CNBD1: variants seen among roughly 807,000 people sequenced by gnomAD.
The protein encoded by CNBD1 is cyclic nucleotide binding domain containing 1.
In CNBD1, 71 loss-of-function variants were observed where a neutral mutation model predicts 54.4. The ratio of observed to expected loss-of-function variants is 1.30; its 90% confidence interval spans 1.08 to 1.59. The LOEUF (loss-of-function observed/expected upper bound fraction) is 1.59, where lower values mean the gene tolerates loss of function less well. CNBD1 is among the 40% of genes most tolerant of loss of function. The pLI, the probability that CNBD1 is intolerant of heterozygous loss-of-function variation, is 0.00. For synonymous variants in CNBD1, 182 were observed against 170.7 expected (o/e 1.07, Z -0.51); for missense variants, 659 against 518.0 (o/e 1.27, Z -2.64).
intron 4 of CNBD1, among the ~76,000 whole-genome samples, chr8:87,072,370 G>A (rs778961135): frequency 2.1e-4 from 32 of 152,102 alleles, no homozygotes; most frequent in Non-Finnish European, 4.7e-4. Flanking sequence ...TTATTTTGCA[G>A]ACTTGTTTAT....
chr8:87,299,863 C>A (rs1808949650), intron 8 of CNBD1, among the ~76,000 whole-genome samples: 1 of 152,168 alleles, frequency 6.6e-6, no homozygotes, highest in Admixed American at 6.6e-5. Flanking sequence ...AGTGAACAAC[C>A]TGCAAAATCA....
intron 4 of CNBD1, among the ~76,000 whole-genome samples, chr8:87,198,948 A>G (rs1813783212): frequency 1.3e-5 from 2 of 152,298 alleles, no homozygotes; most frequent in Non-Finnish European, 1.5e-5. Flanking sequence ...GAAGGTTACA[A>G]TCATCTTGCA....
chr8:87,403,276 G>T (rs781116201), intron 2 of CNBD1, among the ~76,000 whole-genome samples: 3 of 152,032 alleles, frequency 2.0e-5, no homozygotes, highest in Admixed American at 2.0e-4. Flanking sequence ...TGCATCAGCA[G>T]TTAGTTTCAT....
At chr8:87,243,757 A>G (rs1427643964) in intron 6 of CNBD1, among the ~76,000 whole-genome samples, 1 of 152,208 alleles carries the variant, frequency 6.6e-6, no homozygotes, top group African/African-American at 2.4e-5. Flanking sequence ...CAGGAGTCAC[A>G]ATAAAAAATC....
At chr8:87,132,921 G>T (rs140749415) in intron 4 of CNBD1, among the ~76,000 whole-genome samples, 165 of 150,566 alleles carry the variant, frequency 1.1e-3, no homozygotes, top group African/African-American at 3.6e-3. Context: ...AAGTCACTCA[G>T]GTTCTATGAA....
At chr8:87,306,767 T>G in intron 8 of CNBD1, among the ~76,000 whole-genome samples, 2 of 147,030 alleles carry the variant, frequency 1.4e-5, no homozygotes, top group East Asian at 2.0e-4. Flanking sequence ...GGGGGAAGAG[T>G]GGGAGGGGGG....
At chr8:86,976,208 T>TTC (rs1808338577) in intron 4 of CNBD1, among the ~76,000 whole-genome samples, 1 of 132,068 alleles carries the variant, frequency 7.6e-6, no homozygotes, top group Non-Finnish European at 1.7e-5. Context: ...TTTTTTTTTT[T>TTC]GCTGTGGATA....
At chr8:87,296,024 G>A (rs1254725116) in intron 8 of CNBD1, among the ~76,000 whole-genome samples, 2 of 152,046 alleles carry the variant, frequency 1.3e-5, no homozygotes, top group African/African-American at 4.8e-5. Flanking sequence ...GATTATTGCT[G>A]CTTGGTGCTA....
chr8:86,867,050 G>A (rs1453691264), intron 1 of CNBD1, among the ~76,000 whole-genome samples: 1 of 152,052 alleles, frequency 6.6e-6, no homozygotes, highest in East Asian at 1.9e-4. Flanking sequence ...TTCTGACTGT[G>A]AAATTTATTC....
intron 3 of CNBD1, among the ~76,000 whole-genome samples, chr8:86,933,353 C>T (rs940273589): frequency 3.9e-5 from 6 of 152,020 alleles, no homozygotes; most frequent in Non-Finnish European, 4.4e-5. Context: ...AAACAAAACA[C>T]ACAAACTCCC....
chr8:87,167,877 C>T (rs1336055776), intron 4 of CNBD1, among the ~76,000 whole-genome samples: 2 of 151,826 alleles, frequency 1.3e-5, no homozygotes, highest in Non-Finnish European at 2.9e-5. Context: ...GTGCCAATGT[C>T]ATAGGGTATA....
chr8:87,227,673 A>AT (rs1311686380), intron 5 of CNBD1, among the ~76,000 whole-genome samples: 2 of 142,158 alleles, frequency 1.4e-5, no homozygotes, highest in Non-Finnish European at 1.5e-5. Flanking sequence ...TGCCCTTAAC[A>AT]TTTTTTCCTT....
At chr8:87,076,105 G>A (rs571990584) in intron 4 of CNBD1, among the ~76,000 whole-genome samples, 3 of 152,286 alleles carry the variant, frequency 2.0e-5, no homozygotes, top group African/African-American at 7.2e-5. Context: ...ATAAGAGTGA[G>A]GAAGGCAGAG....
intron 2 of CNBD1, among the ~76,000 whole-genome samples, chr8:87,409,205 C>A (rs1248211449): frequency 6.6e-6 from 1 of 152,098 alleles, no homozygotes; most frequent in Non-Finnish European, 1.5e-5. Flanking sequence ...CTCCGGTAAA[C>A]ATGCAAATAA....
At chr8:86,967,603 C>G (rs1401794316) in intron 4 of CNBD1, among the ~76,000 whole-genome samples, 3 of 152,214 alleles carry the variant, frequency 2.0e-5, no homozygotes, top group Non-Finnish European at 4.4e-5. Flanking sequence ...AGCATTCTTT[C>G]TTTTACAGTG....
intron 4 of CNBD1, among the ~76,000 whole-genome samples, chr8:87,164,342 G>T (rs1419226095): frequency 6.6e-6 from 1 of 151,804 alleles, no homozygotes; most frequent in Non-Finnish European, 1.5e-5. Context: ...TCAATTGTTT[G>T]AAAGCAGTTG....
rs192356478 is a variant in CNBD1 at position 87,418,575 on chromosome 8, C to T, written c.214-9971C>T. On this transcript the variant is annotated intron_variant, in intron 2 of 7. Transcript: ENST00000521593. ...CACTATCAAGAAAGTGAAAAGATGA[C>T]CTACAAAAAAGGAAAAAGTATTCAC... 6.0e-4 allele frequency among the ~76,000 whole-genome samples: 91 copies of T among 151,720 alleles called. 1 individual carries two copies. The East Asian group carries it at 0.012, about 20-fold the overall frequency.
chr8:87,424,826 T>C (rs1291658917), intron 2 of CNBD1, among the ~76,000 whole-genome samples: 1 of 152,194 alleles, frequency 6.6e-6, no homozygotes, highest in Non-Finnish European at 1.5e-5. Flanking sequence ...CAGGAGTATC[T>C]TTGTGGCATT....
At chr8:87,263,155 G>T (rs1163924144) in intron 6 of CNBD1, among the ~76,000 whole-genome samples, 1 of 152,076 alleles carries the variant, frequency 6.6e-6, no homozygotes, top group Non-Finnish European at 1.5e-5. Context: ...CAACCTTGAT[G>T]ATCATTCTTC....
Sources: allele counts gnomAD v4.1 joint callset (sites outside exome capture counted in the v4.1 genomes callset), GRCh38; gene constraint gnomAD v4.1.1; transcripts MANE v1.5; gene names NCBI Gene and HGNC (gene_info 2026-07-23, HGNC 2026-07-21).